Variants in AMN1 observed in about 807,000 individuals in gnomAD.
AMN1 encodes protein AMN1 homolog.
A neutral mutation model predicts 33.0 loss-of-function variants in AMN1; 20 were observed. That is an observed-to-expected ratio of 0.61 (90% CI 0.43 to 0.88). The LOEUF (loss-of-function observed/expected upper bound fraction) is 0.88, where lower values mean the gene tolerates loss of function less well. AMN1 is among the 40% of genes least tolerant of loss of function. The pLI is 0.00. For missense variants in AMN1, 246 were observed against 307.4 expected (o/e 0.80, Z 1.49); for synonymous variants, 114 against 111.9 (o/e 1.02, Z -0.12).
intron 5 of AMN1, among the ~76,000 whole-genome samples, chr12:31,695,179 T>C (rs1222732224): frequency 6.6e-6 from 1 of 152,204 alleles, no homozygotes; most frequent in East Asian, 1.9e-4. Context: ...AATTTTATAA[T>C]GTTGAGGTAA....
At chr12:31,703,321 G>A (rs1048951587) in intron 2 of AMN1, among the ~76,000 whole-genome samples, 4 of 152,126 alleles carry the variant, frequency 2.6e-5, no homozygotes, top group Admixed American at 2.6e-4. Context: ...GTTAGATTCA[G>A]GGGGTACATG....
intron 3 of AMN1, among the ~76,000 whole-genome samples, chr12:31,699,791 T>C (rs1194922430): frequency 1.3e-5 from 2 of 152,180 alleles, no homozygotes; most frequent in African/African-American, 4.8e-5. Context: ...GAAGTGGGGA[T>C]AGTCTTGTGG....
intron 1 of AMN1, among the ~76,000 whole-genome samples, chr12:31,717,993 A>G (rs1939741293): frequency 6.6e-6 from 1 of 152,166 alleles, no homozygotes; most frequent in Non-Finnish European, 1.5e-5. Context: ...GTTCTCCTGC[A>G]TAATATCCTG....
At chr12:31,729,050 C>T (rs139742682), upstream of AMN1, 1 of 1,506,580 alleles carries the variant, frequency 6.6e-7, no homozygotes, top group Admixed American at 2.0e-5. Context: ...CCAGGGCCTC[C>T]AGAACCCAGC....
chr12:31,711,840 A>G (rs1592171174), intron 1 of AMN1, among the ~76,000 whole-genome samples: 1 of 152,098 alleles, frequency 6.6e-6, no homozygotes, highest in Non-Finnish European at 1.5e-5. Flanking sequence ...CCATTAATCA[A>G]CCTCTCTCTA....
intron 5 of AMN1, among the ~76,000 whole-genome samples, chr12:31,693,064 T>C (rs1035531907): frequency 7.2e-5 from 11 of 152,180 alleles, no homozygotes; most frequent in Admixed American, 3.3e-4. Flanking sequence ...TGATCTTTTT[T>C]TCTTTAATTT....
chr12:31,725,640 T>C (rs999197873), intron 1 of AMN1, among the ~76,000 whole-genome samples: 2 of 152,202 alleles, frequency 1.3e-5, no homozygotes, highest in African/African-American at 4.8e-5. Flanking sequence ...ATCTACAAAG[T>C]TATACCCCCA....
chr12:31,694,323 T>C (rs2139681438), intron 5 of AMN1, among the ~76,000 whole-genome samples: 1 of 150,954 alleles, frequency 6.6e-6, no homozygotes, highest in Non-Finnish European at 1.5e-5. Context: ...CTGCCTATAA[T>C]CCCAGCTACT....
At chr12:31,705,039 C>T (rs1299928725) in intron 2 of AMN1, among the ~76,000 whole-genome samples, 1 of 152,142 alleles carries the variant, frequency 6.6e-6, no homozygotes, top group Non-Finnish European at 1.5e-5. Context: ...TATTCTACTT[C>T]CACAGAGCCA....
At chr12:31,729,145 G>T, upstream of AMN1, 2 of 1,004,254 alleles carry the variant, frequency 2.0e-6, no homozygotes, top group Non-Finnish European at 2.9e-6. Context: ...ACCGGGGCGT[G>T]GCCACGCTTC....
At chr12:31,727,504 C>T (rs775721242) in intron 1 of AMN1, among the ~76,000 whole-genome samples, 2 of 152,104 alleles carry the variant, frequency 1.3e-5, no homozygotes, top group Non-Finnish European at 2.9e-5. Flanking sequence ...CACATTGGAG[C>T]GCTACTTTCT....
chr12:31,712,875 C>G (rs1393678156), intron 1 of AMN1, among the ~76,000 whole-genome samples: 1 of 151,112 alleles, frequency 6.6e-6, no homozygotes, highest in East Asian at 2.0e-4. Flanking sequence ...AGGATGGTCT[C>G]AAACTCCTGA....
chr12:31,683,417 C>A lies in AMN1; in HGVS notation c.703+5590G>T, dbSNP rs892068039. 6.6e-6 allele frequency among the ~76,000 whole-genome samples: 1 copy of A among 152,148 alleles called. No individual in the cohort carries two copies. The highest frequency in any genetic ancestry group is 1.9e-4 in the East Asian group (1 of 5,198). On this transcript the variant is annotated intron_variant, in intron 6 of 6. Transcript: ENST00000281471. This position sits in a 1 kb window ranked among gnomAD's most constrained non-coding sequence, Gnocchi z 4.1. ...AACTAGTTACTTTTCTCATGGAACA[C>A]CATTTTTACTTTTTAAAAGAATGAT...
At chr12:31,679,994 C>T (rs1937923039) in intron 6 of AMN1, among the ~76,000 whole-genome samples, 1 of 150,732 alleles carries the variant, frequency 6.6e-6, no homozygotes, top group African/African-American at 2.4e-5. Context: ...GGTGTGGTGG[C>T]ACCCGCTTGT....
At chr12:31,704,475 T>C (rs1939137729) in intron 2 of AMN1, among the ~76,000 whole-genome samples, 1 of 150,332 alleles carries the variant, frequency 6.7e-6, no homozygotes. Context: ...TAAATATTTT[T>C]CCAAGTTTTT....
intron 1 of AMN1, among the ~76,000 whole-genome samples, chr12:31,717,842 G>A (rs1363992964): frequency 6.6e-6 from 1 of 152,038 alleles, no homozygotes; most frequent in Non-Finnish European, 1.5e-5. Context: ...GCATGCACTA[G>A]GTATTTGTCC....
chr12:31,690,698 T>C (rs1378641740), intron 5 of AMN1, among the ~76,000 whole-genome samples: 1 of 152,196 alleles, frequency 6.6e-6, no homozygotes, highest in Non-Finnish European at 1.5e-5. Context: ...TTTCTCCCAT[T>C]CTGTGGGTTA....
chr12:31,674,979 G>T (rs1341568513), intron 6 of AMN1, among the ~76,000 whole-genome samples: 1 of 150,570 alleles, frequency 6.6e-6, no homozygotes, highest in African/African-American at 2.4e-5. Context: ...CTGAGATGGT[G>T]CCACTGTACT....
intron 1 of AMN1, among the ~76,000 whole-genome samples, chr12:31,717,880 C>A (rs971689316): frequency 1.3e-5 from 2 of 152,014 alleles, no homozygotes; most frequent in African/African-American, 4.8e-5. Flanking sequence ...TTGTCCCCAA[C>A]CCCCCGACAG....
Sources: allele counts gnomAD v4.1 joint callset (sites outside exome capture counted in the v4.1 genomes callset), GRCh38; gene constraint gnomAD v4.1.1; non-coding constraint Gnocchi (gnomAD v3.1); transcripts MANE v1.5; gene names NCBI Gene and HGNC (gene_info 2026-07-23, HGNC 2026-07-21).